GPC5: variants seen among roughly 807,000 people sequenced by gnomAD.
The protein encoded by GPC5 is glypican-5.
A neutral mutation model predicts 53.9 loss-of-function variants in GPC5; 47 were observed. That is an observed-to-expected ratio of 0.87 (90% CI 0.69 to 1.11). The LOEUF (loss-of-function observed/expected upper bound fraction) is 1.11. Among genes scored for constraint, GPC5 ranks in the 50% most tolerant of loss-of-function variants. The probability of loss-of-function intolerance (pLI) is 0.00; values close to 1 mark genes in which losing one functional copy is unlikely to be tolerated. For missense variants in GPC5, 748 were observed against 713.1 expected (o/e 1.05, Z -0.56); for synonymous variants, 286 against 263.3 (o/e 1.09, Z -0.84).
chr13:92,160,760 G>A (rs185796787), intron 7 of GPC5, among the ~76,000 whole-genome samples: 40 of 152,222 alleles, frequency 2.6e-4, no homozygotes, highest in Admixed American at 2.5e-3. Context: ...TTGAGGCAAG[G>A]CAATTAATTC....
chr13:92,754,578 G>A (rs1874770057), intron 7 of GPC5, among the ~76,000 whole-genome samples: 1 of 151,410 alleles, frequency 6.6e-6, no homozygotes, highest in African/African-American at 2.4e-5. Context: ...CTGTATTCAG[G>A]AAACCCATCT....
chr13:91,548,686 A>C (rs1238403506), intron 2 of GPC5, among the ~76,000 whole-genome samples: 2 of 152,206 alleles, frequency 1.3e-5, no homozygotes, highest in Non-Finnish European at 2.9e-5. Flanking sequence ...GAGGACTGAC[A>C]CTACCTGACC....
chr13:92,584,700 A>C (rs1165962659), intron 7 of GPC5, among the ~76,000 whole-genome samples: 1 of 152,154 alleles, frequency 6.6e-6, no homozygotes, highest in African/African-American at 2.4e-5. Context: ...AGAGGTCTTC[A>C]TGGCAGCCCT....
Position 92,368,078 on chromosome 13 carries a change from G to A in GPC5, c.1561+223089G>A, listed in dbSNP as rs180949154. On this transcript the variant is annotated intron_variant, in intron 7 of 7. Coordinates refer to ENST00000377067, the MANE Select transcript of GPC5 (RefSeq NM_004466.6). ...CGGCTCACTGCAACCTCTGCCTCCC[G>A]GATTGAAGCGATTCTTCTGCCTCAG... 1.9e-4 allele frequency among the ~76,000 whole-genome samples: 29 copies of A among 152,116 alleles called. No individual in the cohort carries two copies. The Middle Eastern group carries it at 0.014, about 71-fold the overall frequency.
At chr13:91,997,785 G>T (rs1012188508) in intron 6 of GPC5, among the ~76,000 whole-genome samples, 3 of 152,166 alleles carry the variant, frequency 2.0e-5, no homozygotes, top group Admixed American at 6.5e-5. Flanking sequence ...CTCCCAAAGT[G>T]CTGGGATTAC....
At chr13:92,808,032 T>A (rs1877163051) in intron 7 of GPC5, among the ~76,000 whole-genome samples, 1 of 152,136 alleles carries the variant, frequency 6.6e-6, no homozygotes, top group Non-Finnish European at 1.5e-5. Flanking sequence ...GTTATATGAA[T>A]AAATGTGTCA....
At chr13:91,795,837 C>A (rs1307152725) in intron 5 of GPC5, among the ~76,000 whole-genome samples, 1 of 152,140 alleles carries the variant, frequency 6.6e-6, no homozygotes, top group African/African-American at 2.4e-5. Flanking sequence ...GTTCCACATG[C>A]TCTCTTTATG....
intron 6 of GPC5, among the ~76,000 whole-genome samples, chr13:92,102,704 AAAAG>A (rs919636978): frequency 6.6e-6 from 1 of 152,182 alleles, no homozygotes; most frequent in African/African-American, 2.4e-5. Context: ...ATTTTCCTCT[AAAAG>A]AATCTATAAG....
chr13:91,795,166 A>T (rs1445382585), intron 5 of GPC5, among the ~76,000 whole-genome samples: 1 of 152,206 alleles, frequency 6.6e-6, no homozygotes, highest in Non-Finnish European at 1.5e-5. Context: ...TGATCACAAA[A>T]CAATGAATAC....
chr13:91,979,789 A>G (rs1051087142), intron 6 of GPC5, among the ~76,000 whole-genome samples: 4 of 147,392 alleles, frequency 2.7e-5, no homozygotes, highest in East Asian at 4.4e-4. Flanking sequence ...CACAAATGTA[A>G]TAAGATTGCA....
chr13:92,270,658 T>A (rs185405564), intron 7 of GPC5, among the ~76,000 whole-genome samples: 1 of 152,294 alleles, frequency 6.6e-6, no homozygotes, highest in African/African-American at 2.4e-5. Context: ...CCTCATTAGG[T>A]AGTAACAAAT....
At chr13:91,860,789 G>T (rs904598292) in intron 5 of GPC5, among the ~76,000 whole-genome samples, 9 of 151,978 alleles carry the variant, frequency 5.9e-5, no homozygotes, top group Admixed American at 4.6e-4. Context: ...GGCATGAGCC[G>T]CCGTGCCCGG....
At chr13:91,966,801 G>GA (rs1233580742) in intron 6 of GPC5, among the ~76,000 whole-genome samples, 1 of 151,948 alleles carries the variant, frequency 6.6e-6, no homozygotes, top group Non-Finnish European at 1.5e-5. Flanking sequence ...TTTAAAAGGG[G>GA]AAAAAAGCAA....
intron 3 of GPC5, among the ~76,000 whole-genome samples, chr13:91,710,371 C>T (rs983926800): frequency 1.3e-5 from 2 of 152,144 alleles, no homozygotes; most frequent in Non-Finnish European, 2.9e-5. Context: ...CTAATGAATG[C>T]ACAGAATGCT....
At chr13:92,433,657 G>A (rs1877186379) in intron 7 of GPC5, among the ~76,000 whole-genome samples, 1 of 152,112 alleles carries the variant, frequency 6.6e-6, no homozygotes, top group South Asian at 2.1e-4. Context: ...TACAGGCACA[G>A]TAGTAGAGAA....
chr13:92,546,285 A>T (rs1882108855), intron 7 of GPC5, among the ~76,000 whole-genome samples: 1 of 152,172 alleles, frequency 6.6e-6, no homozygotes, highest in South Asian at 2.1e-4. Context: ...TCAACCCAAG[A>T]TCTCCTCAAG....
rs142922559 is a variant in GPC5 at position 92,024,024 on chromosome 13, T to A, written c.1401+115967T>A. On this transcript the variant is annotated intron_variant, in intron 6 of 7. Coordinates refer to ENST00000377067, the MANE Select transcript of GPC5 (RefSeq NM_004466.6). ...AAAAACATGGCTTAAGAAAGTGAAA[T>A]GATTTACACAGGATTATATGTGTCT... 2.8e-3 allele frequency among the ~76,000 whole-genome samples: 433 copies of A among 152,266 alleles called. 2 individuals carry two copies. Among genetic ancestry groups the A allele is most frequent in the Non-Finnish European group, 4.1e-3 (279 of 67,992 alleles).
intron 6 of GPC5, among the ~76,000 whole-genome samples, chr13:92,048,917 T>C (rs1241549803): frequency 1.3e-5 from 2 of 152,200 alleles, no homozygotes; most frequent in Non-Finnish European, 2.9e-5. Flanking sequence ...CAACAACTCA[T>C]TGTTAGAATA....
At chr13:91,580,387 A>T (rs1175846680) in intron 2 of GPC5, among the ~76,000 whole-genome samples, 1 of 152,206 alleles carries the variant, frequency 6.6e-6, no homozygotes, top group African/African-American at 2.4e-5. Flanking sequence ...AACAAAATAG[A>T]TTAAATATTA....
Sources: gnomAD v4.1 joint callset for allele counts (sites outside exome capture counted in the v4.1 genomes callset) on GRCh38, gnomAD v4.1.1 for gene constraint, MANE v1.5 for transcripts, NCBI Gene and HGNC (gene_info 2026-07-23, HGNC 2026-07-21) for gene names.